Variants in ZNF284 observed in about 807,000 individuals in gnomAD.
ZNF284 encodes the protein zinc finger protein 284.
ZNF284 carries 12 observed loss-of-function variants against 12.9 expected under a neutral mutation model. The ratio of observed to expected loss-of-function variants is 0.93; its 90% CI spans 0.60 to 1.51. The LOEUF (loss-of-function observed/expected upper bound fraction) is 1.51, where lower values mean the gene tolerates loss of function less well. Ranked by LOEUF, ZNF284 falls within the 40% of genes most tolerant of loss-of-function variation. The probability of loss-of-function intolerance (pLI) is 0.00; values close to 1 mark genes in which losing one functional copy is unlikely to be tolerated. For missense variants in ZNF284, 667 were observed against 707.3 expected (o/e 0.94, Z 0.65); for synonymous variants, 225 against 236.5 (o/e 0.95, Z 0.45).
chr19:44,075,161 A>T (rs1269754868), intron 1 of ZNF284, among the ~76,000 whole-genome samples: 1 of 152,114 alleles, frequency 6.6e-6, no homozygotes, highest in East Asian at 1.9e-4. Context: ...ATTTAAATTT[A>T]TTCAGTTTCT....
At chr19:44,080,940 T>A in intron 2 of ZNF284, 75 bp from the exon 3 acceptor site, 7 of 1,539,452 alleles carry the variant, frequency 4.5e-6, no homozygotes, top group Non-Finnish European at 5.3e-6. Flanking sequence ...CCCATCCCCT[T>A]CACCTGCTCA....
At position 44,086,839 on chromosome 19, in the gene ZNF284, CTTATAA is replaced by C; in HGVS notation, c.1364_1369del (p.Tyr455_Asn456del). On this transcript the variant is annotated inframe_deletion, in exon 5 of 5. Transcript: ENST00000421176. ...CAGAGGGTCCACACGGGAGAGAGAC[CTTATAA>C]TTGTAAGGAATGTGGAAAGAGCTTC... 1 of 1,613,968 alleles carries C rather than the reference CTTATAA, an allele frequency of 6.2e-7. No homozygotes were observed. Among genetic ancestry groups the C allele is most frequent in the Non-Finnish European group, 8.5e-7 (1 of 1,179,986 alleles).
intron 2 of ZNF284, among the ~76,000 whole-genome samples, chr19:44,080,075 T>C (rs141008041): frequency 2.6e-5 from 4 of 152,310 alleles, no homozygotes; most frequent in African/African-American, 9.6e-5. Context: ...CGAATGCATG[T>C]AGGCAAACTT....
At chr19:44,083,217 A>C (rs537317337) in intron 4 of ZNF284, among the ~76,000 whole-genome samples, 39 of 151,910 alleles carry the variant, frequency 2.6e-4, no homozygotes, top group Non-Finnish European at 5.0e-4. Context: ...GGCAGATAGC[A>C]TGAGGCCAGG....
chr19:44,081,801 C>G (rs779904989), intron 3 of ZNF284, among the ~76,000 whole-genome samples: 1 of 152,022 alleles, frequency 6.6e-6, no homozygotes, highest in Non-Finnish European at 1.5e-5. Context: ...ATCACGAGAA[C>G]AGCATGGAGG....
At chr19:44,077,382 G>A (rs1386253172) in intron 2 of ZNF284, among the ~76,000 whole-genome samples, 1 of 152,078 alleles carries the variant, frequency 6.6e-6, no homozygotes, top group Non-Finnish European at 1.5e-5. Flanking sequence ...GTATTAAGGA[G>A]TTTGACCAAA....
intron 2 of ZNF284, among the ~76,000 whole-genome samples, chr19:44,077,533 G>GTCTTTTTTTTTTTTTTTT (rs1967050421): frequency 1.1e-5 from 1 of 89,432 alleles, no homozygotes; most frequent in African/African-American, 4.2e-5. Context: ...TCATTTTTCT[G>GTCTTTTTTTTTTTTTTTT]TCTTTTTTTT....
At chr19:44,077,897 G>T (rs1458179662) in intron 2 of ZNF284, among the ~76,000 whole-genome samples, 4 of 152,140 alleles carry the variant, frequency 2.6e-5, no homozygotes, top group Non-Finnish European at 1.5e-5. Flanking sequence ...ACCCCTCCTC[G>T]GGGGTCCTCT....
intron 4 of ZNF284, among the ~76,000 whole-genome samples, chr19:44,083,497 AGAGAG>A (rs1967167921): frequency 1.2e-5 from 1 of 80,818 alleles, no homozygotes; most frequent in Non-Finnish European, 3.0e-5. Context: ...AGAGAGAGAG[AGAGAG>A]GGAATGGAAT....
At position 44,085,914 on chromosome 19, in the gene ZNF284, C is replaced by T. The variant is rs1260542180; in HGVS notation, c.436C>T (p.Pro146Ser). The change falls in exon 5 of 5, where the codon CCT becomes TCT. Residue 146 changes from proline to serine, a missense_variant. Transcript: ENST00000421176. ...GLSIIHIGET[P>S]SEHGKCKKFF... ...ATCTATAATTCACATAGGAGAGACA[C>T]CTTCTGAGCATGGGAAGTGTAAAAA... The T allele has an allele frequency of 6.2e-7, 1 of 1,614,188 alleles. No homozygotes were observed. Among genetic ancestry groups the T allele is most frequent in the Non-Finnish European group, 8.5e-7 (1 of 1,180,026 alleles).
chr19:44,078,015 A>G (rs1196509997), intron 2 of ZNF284, among the ~76,000 whole-genome samples: 2 of 152,218 alleles, frequency 1.3e-5, no homozygotes, highest in Non-Finnish European at 2.9e-5. Context: ...AATGGCAAAG[A>G]TGGCTTATAG....
rs1011987659 is a variant in ZNF284, at chr19:44,080,958, C to T, written c.16-57C>T. On this transcript the variant is annotated intron_variant, in intron 2 of 4. Coordinates refer to ENST00000421176, the MANE Select transcript of ZNF284 (RefSeq NM_001037813.4). The stretch of plus-strand genomic sequence containing the variant: ...ATCCCCTTCACCTGCTCATTGCCAC[C>T]CTTCTCCCAGGAATCACTGGTCATG... 3.2e-6 allele frequency: 5 copies of T among 1,573,818 alleles called. No individual in the cohort carries two copies. The African/African-American group carries it at 5.4e-5, about 17-fold the overall frequency.
Position 44,082,056 on chromosome 19 carries a change from A to G in ZNF284, c.186A>G (p.Glu62=), listed in dbSNP as rs1463894091. 6.2e-7 allele frequency: 1 copy of G among 1,613,954 alleles called. No homozygotes were observed. Among genetic ancestry groups the G allele is most frequent in the Non-Finnish European group, 8.5e-7 (1 of 1,179,924 alleles). The change falls in exon 4 of 5, where the codon GAA becomes GAG. Residue 62 remains glutamate (E), a synonymous_variant. Transcript: ENST00000421176. ...GAGATACTTTTCACTTCCAAAGAGAAGAAAAGTTTTGGATCATGGAGACAG... is the reference window on the plus strand; with the variant it reads ...GAGATACTTTTCACTTCCAAAGAGAGGAAAAGTTTTGGATCATGGAGACAG... ...SHRDTFHFQR[E]EKFWIMETAT... is the part of the protein sequence containing the mutation.
Position 44,076,402 on chromosome 19 carries a change from A to G in ZNF284, c.13A>G (p.Lys5Glu), listed in dbSNP as rs745994663. 1.9e-5 allele frequency: 30 copies of G among 1,609,618 alleles called. No individual in the cohort carries two copies. Among genetic ancestry groups the G allele is most frequent in the Non-Finnish European group, 2.5e-5 (29 of 1,177,686 alleles). The change falls in exon 2 of 5, where the codon AAG (lysine) becomes GAG (glutamate). Residue 5 changes from lysine to glutamate, a missense_variant and splice_region_variant. Transcript: ENST00000421176. ...AGAAGGAGGAAAAATGACCATGTTC[A>G]AGGTGAGTAAGTCTGGTCTCTTTTG... is the stretch of plus-strand genomic sequence containing the variant. The part of the protein sequence containing the change: MTMF[K>E]EAVTFKDVAV...
At chr19:44,080,905 T>A (rs1392799384) in intron 2 of ZNF284, 110 bp from the exon 3 acceptor site, 3 of 1,375,242 alleles carry the variant, frequency 2.2e-6, no homozygotes, top group Non-Finnish European at 3.0e-6. Flanking sequence ...GACCTACATC[T>A]TTCAAGATCC....
At chr19:44,080,730 C>A (rs1967108421) in intron 2 of ZNF284, among the ~76,000 whole-genome samples, 1 of 152,180 alleles carries the variant, frequency 6.6e-6, no homozygotes, top group South Asian at 2.1e-4. Context: ...ATATGTGCAG[C>A]CCAGGATGCT....
chr19:44,072,815 G>T (rs1966967450), intron 1 of ZNF284, among the ~76,000 whole-genome samples: 1 of 152,240 alleles, frequency 6.6e-6, no homozygotes, highest in Admixed American at 6.5e-5. Flanking sequence ...TTCCACGAAG[G>T]GAGAGGAACA....
Position 44,086,693 on chromosome 19 carries a change from G to A in ZNF284, c.1215G>A (p.Gly405=). ...GETTFKCDGC[G]KRFYMNSQGH... Reference sequence around the variant, plus strand: ...CAACATTCAAGTGCGACGGATGTGGGAAGAGATTTTATATGAATTCACAGG... The same window carrying A: ...CAACATTCAAGTGCGACGGATGTGGAAAGAGATTTTATATGAATTCACAGG... The change falls in exon 5 of 5, where the codon GGG becomes GGA. Residue 405 remains glycine, a synonymous_variant. Coordinates refer to ENST00000421176, the MANE Select transcript of ZNF284 (RefSeq NM_001037813.4). 6.2e-7 allele frequency: 1 copy of A among 1,614,072 alleles called. No individual in the cohort carries two copies. Among genetic ancestry groups the A allele is most frequent in the Non-Finnish European group, 8.5e-7 (1 of 1,179,942 alleles).
intron 1 of ZNF284, 22 bp from the exon 2 acceptor site, chr19:44,076,300 T>C: frequency 7.6e-7 from 1 of 1,318,238 alleles, no homozygotes; most frequent in South Asian, 1.4e-5. Flanking sequence ...TTTTTTTTTT[T>C]GCCTTCCATG....
Sources: allele counts gnomAD v4.1 joint callset (sites outside exome capture counted in the v4.1 genomes callset), GRCh38; gene constraint gnomAD v4.1.1; transcripts MANE v1.5; gene names NCBI Gene and HGNC (gene_info 2026-07-23, HGNC 2026-07-21).